The following KMT2C variants were observed in gnomAD, a reference collection of about 807,000 sequenced individuals.
KMT2C encodes lysine methyltransferase 2C, also known as histone-lysine N-methyltransferase 2C.
In KMT2C, 88 loss-of-function variants were observed where a neutral mutation model predicts 507.9. That is an observed-to-expected ratio of 0.17 (90% CI 0.15 to 0.21). The LOEUF (loss-of-function observed/expected upper bound fraction) is 0.21, where lower values mean the gene tolerates loss of function less well. KMT2C is among the 10% of genes least tolerant of loss of function. The pLI is 1.00. For synonymous variants in KMT2C, 2,049 were observed against 2,080.8 expected (o/e 0.98, Z 0.42); for missense variants, 4,954 against 5,957.8 (o/e 0.83, Z 5.55).
intron 21 of KMT2C, among the ~76,000 whole-genome samples, chr7:152,222,284 C>T (rs1326177244): frequency 1.3e-5 from 2 of 152,162 alleles, no homozygotes; most frequent in South Asian, 2.1e-4. Context: ...AAACAATCAA[C>T]ATATTGGATT....
chr7:152,348,384 G>A (rs1195468735), intron 2 of KMT2C, among the ~76,000 whole-genome samples: 1 of 151,508 alleles, frequency 6.6e-6, no homozygotes, highest in Admixed American at 6.6e-5. Context: ...ATCACCTGAG[G>A]TCAGGAGTTC....
chr7:152,327,128 T>C (rs1280373119), intron 3 of KMT2C, among the ~76,000 whole-genome samples: 1 of 152,254 alleles, frequency 6.6e-6, no homozygotes, highest in Non-Finnish European at 1.5e-5. Context: ...CATTGCTTAT[T>C]AATCTACCTC....
Position 152,292,711 on chromosome 7 carries a change from CTAAA to C in KMT2C, c.849+17251_849+17254del, listed in dbSNP as rs1204932723. ...CCACCCCTCTGTAGCCTTCAGGGTC[CTAAA>C]TAAACTTCTATAGCATTTAATGACC... On this transcript the variant is annotated intron_variant, in intron 6 of 58. Coordinates refer to ENST00000262189, the MANE Select transcript of KMT2C (RefSeq NM_170606.3). Among the ~76,000 whole-genome samples, 2 of 152,170 alleles carry C rather than the reference CTAAA, an allele frequency of 1.3e-5. 1 individual carries two copies. Among genetic ancestry groups the C allele is most frequent in the Non-Finnish European group, 2.9e-5 (2 of 68,030 alleles).
At chr7:152,374,151 A>G (rs2129243197) in intron 1 of KMT2C, among the ~76,000 whole-genome samples, 1 of 152,024 alleles carries the variant, frequency 6.6e-6, no homozygotes, top group Middle Eastern at 3.4e-3. Flanking sequence ...CGAGATCTCT[A>G]CTAAAAATAC....
chr7:152,338,583 T>A (rs536615712), intron 2 of KMT2C, among the ~76,000 whole-genome samples: 2 of 152,194 alleles, frequency 1.3e-5, no homozygotes, highest in Non-Finnish European at 2.9e-5. Context: ...TCTCTCAAGT[T>A]TTCTCTTTTA....
intron 1 of KMT2C, among the ~76,000 whole-genome samples, chr7:152,384,830 A>G (rs569331898): frequency 6.5e-4 from 99 of 152,182 alleles, no homozygotes; most frequent in Admixed American, 9.2e-4. Context: ...CCATATGAAC[A>G]GTTACACTGG....
chr7:152,279,352 ATAAGAC>A (rs2096156170), intron 6 of KMT2C, among the ~76,000 whole-genome samples: 1 of 150,666 alleles, frequency 6.6e-6, no homozygotes, highest in Admixed American at 6.6e-5. Flanking sequence ...ATGCAAAACT[ATAAGAC>A]TAAAGAATTA....
rs1039358351 is a variant in KMT2C, at chr7:152,145,443, A to T, written c.14032-148T>A. 3 of 763,716 alleles carry T rather than the reference A, an allele frequency of 3.9e-6. No homozygotes were observed. In the Admixed American group the frequency reaches 8.8e-5, roughly 22 times the overall value. 47.3% of individuals were successfully genotyped at this position (763,716 alleles called of 1,614,324 possible). On this transcript the variant is annotated intron_variant, in intron 53 of 58. Transcript: ENST00000262189. ...TGGTCTTCTAGCTTATGTTAACACT[A>T]TTGGCCTGCAGGTAGATCTACTTAA...
At chr7:152,388,359 G>A (rs902431268) in intron 1 of KMT2C, among the ~76,000 whole-genome samples, 10 of 152,000 alleles carry the variant, frequency 6.6e-5, no homozygotes, top group Non-Finnish European at 1.0e-4. Context: ...AGGAGTTCAA[G>A]ACCAGACTTG....
intron 26 of KMT2C, among the ~76,000 whole-genome samples, chr7:152,200,339 A>G (rs373826095): frequency 6.6e-6 from 1 of 152,158 alleles, no homozygotes; most frequent in East Asian, 1.9e-4. Context: ...TACAAAATAC[A>G]ACAATTTTTT....
At chr7:152,228,767 A>G (rs539736179) in intron 18 of KMT2C, among the ~76,000 whole-genome samples, 1 of 152,226 alleles carries the variant, frequency 6.6e-6, no homozygotes, top group African/African-American at 2.4e-5. Flanking sequence ...TTTTATACAG[A>G]ATATAAAGTA....
intron 1 of KMT2C, among the ~76,000 whole-genome samples, chr7:152,430,957 AC>A (rs1263968514): frequency 3.9e-5 from 6 of 152,072 alleles, no homozygotes; most frequent in African/African-American, 1.4e-4. Context: ...ACCACTATCT[AC>A]CCAGAGAAAC....
At chr7:152,180,394 A>T (rs1400817077) in intron 36 of KMT2C, among the ~76,000 whole-genome samples, 1 of 152,202 alleles carries the variant, frequency 6.6e-6, no homozygotes, top group African/African-American at 2.4e-5. Flanking sequence ...ATGAAATACC[A>T]GTTACATTTA....
At chr7:152,363,328 GAAGTAA>G (rs969723373) in intron 1 of KMT2C, among the ~76,000 whole-genome samples, 10 of 152,050 alleles carry the variant, frequency 6.6e-5, no homozygotes, top group African/African-American at 2.4e-4. Context: ...CAAGAAATGT[GAAGTAA>G]AAGAATACAA....
chr7:152,137,017 CG>C (rs1433507228), intron 58 of KMT2C, 93 bp from the exon 59 acceptor site: 1 of 922,504 alleles, frequency 1.1e-6, no homozygotes, highest in East Asian at 2.5e-5. Context: ...AACCAGCAAA[CG>C]AAACAGACGT....
At chr7:152,193,929 A>G in intron 31 of KMT2C, 80 bp downstream of exon 31, 2 of 1,296,586 alleles carry the variant, frequency 1.5e-6, no homozygotes, top group Non-Finnish European at 2.0e-6. Flanking sequence ...ATAGGGCAAA[A>G]CTTGCTTGTG....
chr7:152,225,888 A>C (rs2094914905), intron 18 of KMT2C, among the ~76,000 whole-genome samples: 1 of 152,216 alleles, frequency 6.6e-6, no homozygotes, highest in African/African-American at 2.4e-5. Context: ...TTGTTATAAA[A>C]AACTCCATGA....
At chr7:152,319,501 G>A (rs182068741) in intron 3 of KMT2C, among the ~76,000 whole-genome samples, 7 of 152,104 alleles carry the variant, frequency 4.6e-5, no homozygotes, top group East Asian at 3.9e-4. Context: ...CAAGTGGACC[G>A]TGGTCTAGCG....
chr7:152,274,388 C>A (rs2096039959), intron 6 of KMT2C, among the ~76,000 whole-genome samples: 1 of 152,054 alleles, frequency 6.6e-6, no homozygotes, highest in Non-Finnish European at 1.5e-5. Flanking sequence ...CTACATACTT[C>A]AATGTAGCAA....
Sources: gnomAD v4.1 joint callset for allele counts (sites outside exome capture counted in the v4.1 genomes callset) on GRCh38, gnomAD v4.1.1 for gene constraint, MANE v1.5 for transcripts, NCBI Gene and HGNC (gene_info 2026-07-23, HGNC 2026-07-21) for gene names.